The following NEK10 variants were observed in gnomAD, a reference collection of about 807,000 sequenced individuals.
The protein encoded by NEK10 is NIMA related kinase 10.
Under a neutral mutation model 159.8 loss-of-function variants are expected in NEK10, and 122 were observed. That is an observed-to-expected ratio of 0.76 (90% CI 0.66 to 0.89). NEK10 has a LOEUF of 0.89. NEK10 is among the 40% of genes least tolerant of loss of function. NEK10 has a pLI of 0.00. For synonymous variants in NEK10, 466 were observed against 457.1 expected (o/e 1.02, Z -0.25); for missense variants, 1,342 against 1,323.1 (o/e 1.01, Z -0.22).
At position 27,282,538 on chromosome 3, in the gene NEK10, T is replaced by TTATATATATATATATATA. The variant is rs10525422; in HGVS notation, c.2014+2046_2014+2063dup. Among the ~76,000 whole-genome samples the TTATATATATATATATATA allele has an allele frequency of 1.3e-3, 56 of 42,128 alleles. 13 individuals carry two copies. The highest frequency in any genetic ancestry group is 4.7e-3 in the African/African-American group (54 of 11,524). 27.6% of individuals were successfully genotyped at this position (42,128 alleles called of 152,430 possible). A position where few individuals can be genotyped will look rare whatever the true frequency, so the allele number is the denominator to read the frequency against. On this transcript the variant is annotated intron_variant, in intron 22 of 35. Coordinates refer to ENST00000691995, the MANE Select transcript of NEK10 (RefSeq NM_001394966.1). ...TCTGTTGTATATATACATAAATGTG[T>TTATATATATATATATATA]TATATATATATATATATATATACAT...
At chr3:27,265,999 G>T (rs2040860808) in intron 22 of NEK10, among the ~76,000 whole-genome samples, 1 of 151,918 alleles carries the variant, frequency 6.6e-6, no homozygotes, top group South Asian at 2.1e-4. Flanking sequence ...AGTAAAGACG[G>T]GGTTTCACAG....
intron 1 of NEK10, among the ~76,000 whole-genome samples, chr3:27,364,293 G>A (rs1219132865): frequency 6.6e-6 from 1 of 150,690 alleles, no homozygotes; most frequent in African/African-American, 2.4e-5. Context: ...CGATTCTCCT[G>A]CCTCAGCCTC....
intron 30 of NEK10, among the ~76,000 whole-genome samples, chr3:27,150,705 G>T (rs1944767263): frequency 6.6e-6 from 1 of 152,142 alleles, no homozygotes; most frequent in African/African-American, 2.4e-5. Context: ...CCATTCTGCA[G>T]TCCAATGATC....
chr3:27,190,184 C>T (rs145034092), intron 26 of NEK10, among the ~76,000 whole-genome samples: 74 of 152,240 alleles, frequency 4.9e-4, no homozygotes, highest in African/African-American at 1.6e-3. Context: ...CCTTAATTTA[C>T]GGATGAGTAT....
At chr3:27,115,309 A>C (rs185093467) in intron 35 of NEK10, among the ~76,000 whole-genome samples, 9 of 152,316 alleles carry the variant, frequency 5.9e-5, no homozygotes, top group Non-Finnish European at 8.8e-5. Context: ...ATTGTACTCA[A>C]ATTGTTGTGC....
Position 27,106,925 on chromosome 3 carries a change from A to T in NEK10, c.*4347T>A, listed in dbSNP as rs1456652188. 6.6e-6 allele frequency among the ~76,000 whole-genome samples: 1 copy of T among 152,332 alleles called. No homozygotes were observed. The highest frequency in any genetic ancestry group is 2.1e-4 in the South Asian group (1 of 4,830). On this transcript the variant is annotated 3_prime_UTR_variant, in exon 36 of 36. Coordinates refer to ENST00000691995, the MANE Select transcript of NEK10 (RefSeq NM_001394966.1). Reference sequence around the variant, plus strand: ...ATTTAAACAGTCACGTACTTCTGTTATCGCTAAATACAGTAGCTGGGGCCA... The same window carrying T: ...ATTTAAACAGTCACGTACTTCTGTTTTCGCTAAATACAGTAGCTGGGGCCA...
intron 35 of NEK10, 26 bp from the exon 36 acceptor site, chr3:27,111,346 T>A: frequency 2.0e-6 from 3 of 1,536,614 alleles, no homozygotes; most frequent in Middle Eastern, 3.4e-4. Flanking sequence ...GTGGAAAGAA[T>A]TCTCTATAGT....
chr3:27,127,600 G>A (rs1336762291), intron 32 of NEK10, among the ~76,000 whole-genome samples: 1 of 152,124 alleles, frequency 6.6e-6, no homozygotes, highest in South Asian at 2.1e-4. Context: ...AAAAGGTACA[G>A]TAAAATTATG....
At chr3:27,274,848 C>G (rs906947612) in intron 22 of NEK10, among the ~76,000 whole-genome samples, 2 of 152,136 alleles carry the variant, frequency 1.3e-5, no homozygotes, top group Non-Finnish European at 2.9e-5. Flanking sequence ...ATAGGTACTA[C>G]TGCCTACTCA....
At chr3:27,184,959 T>A (rs1382413838) in intron 26 of NEK10, among the ~76,000 whole-genome samples, 1 of 152,162 alleles carries the variant, frequency 6.6e-6, no homozygotes, top group Non-Finnish European at 1.5e-5. Flanking sequence ...TTTTTTAATT[T>A]GCATTAAAAA....
At chr3:27,264,070 T>G (rs2040666422) in intron 22 of NEK10, among the ~76,000 whole-genome samples, 1 of 152,214 alleles carries the variant, frequency 6.6e-6, no homozygotes, top group Admixed American at 6.5e-5. Context: ...AGAGAATGTG[T>G]GACTTGCCCA....
chr3:27,347,713 A>G (rs969769953), intron 3 of NEK10, among the ~76,000 whole-genome samples: 1 of 152,106 alleles, frequency 6.6e-6, no homozygotes, highest in Non-Finnish European at 1.5e-5. Flanking sequence ...CTATAAAACT[A>G]CTTTTCTATC....
intron 1 of NEK10, among the ~76,000 whole-genome samples, chr3:27,362,047 G>A (rs2048724321): frequency 6.6e-6 from 1 of 152,070 alleles, no homozygotes; most frequent in South Asian, 2.1e-4. Context: ...AAGAACACTA[G>A]AAGTGTCAAA....
intron 23 of NEK10, among the ~76,000 whole-genome samples, chr3:27,234,720 A>G (rs1268304799): frequency 6.6e-6 from 1 of 152,126 alleles, no homozygotes; most frequent in Non-Finnish European, 1.5e-5. Context: ...TGCTATTCCC[A>G]TGAAACTATA....
intron 5 of NEK10, among the ~76,000 whole-genome samples, chr3:27,340,340 CCCACTGGGG>C (rs1177445125): frequency 6.6e-6 from 1 of 152,154 alleles, no homozygotes; most frequent in Non-Finnish European, 1.5e-5. Context: ...GGGAACATCA[CCCACTGGGG>C]CCTATTGGGT....
At chr3:27,143,002 T>C (rs1264204040) in intron 30 of NEK10, among the ~76,000 whole-genome samples, 1 of 152,150 alleles carries the variant, frequency 6.6e-6, no homozygotes, top group East Asian at 1.9e-4. Flanking sequence ...TAATATGAGG[T>C]TTAATAAATA....
intron 1 of NEK10, among the ~76,000 whole-genome samples, chr3:27,355,885 C>A (rs1039579610): frequency 1.3e-5 from 2 of 152,132 alleles, no homozygotes; most frequent in African/African-American, 4.8e-5. Context: ...CATGAACCCA[C>A]GAACATGCCA....
rs541069338 is a variant in NEK10 at position 27,307,778 on chromosome 3, C to A, written c.803+81G>T. 5.6e-5 allele frequency: 42 copies of A among 749,148 alleles called. No individual in the cohort carries two copies. In the African/African-American group the frequency reaches 7.1e-4, roughly 13 times the overall value. The allele number at this position is 749,148 out of a possible 1,614,324, so 46.4% of individuals were successfully genotyped here. A position where few individuals can be genotyped will look rare whatever the true frequency, so the allele number is the denominator to read the frequency against. On this transcript the variant is annotated intron_variant, in intron 11 of 35. Transcript: ENST00000691995. The stretch of plus-strand genomic sequence containing the variant: ...TCATATTCAGTTACAATGTAAATAA[C>A]ATGACGTAATAAAAATAATAACAAG...
rs1939087625 is a variant in NEK10, at chr3:27,107,255, G to GT, written c.*4016_*4017insA. On this transcript the variant is annotated 3_prime_UTR_variant, in exon 36 of 36. Transcript: ENST00000691995. The stretch of plus-strand genomic sequence containing the variant: ...TGGCAATATCCATCAGACACCCCAT[G>GT]AAACTCATAAAATCTTTCCTGTCCC... Among the ~76,000 whole-genome samples the GT allele has an allele frequency of 2.0e-5, 3 of 152,018 alleles. No homozygotes were observed. The highest frequency in any genetic ancestry group is 2.9e-5 in the Non-Finnish European group (2 of 67,992).
Sources: gnomAD v4.1 joint callset for allele counts (sites outside exome capture counted in the v4.1 genomes callset) on GRCh38, gnomAD v4.1.1 for gene constraint, MANE v1.5 for transcripts, NCBI Gene and HGNC (gene_info 2026-07-23, HGNC 2026-07-21) for gene names.